SCUBE1: variants seen among roughly 807,000 people sequenced by gnomAD.
SCUBE1 encodes the protein signal peptide, CUB and EGF-like domain-containing protein 1.
SCUBE1 carries 59 observed loss-of-function variants against 124.4 expected under a neutral mutation model. The observed-to-expected ratio is 0.47, with a 90% CI of 0.38 to 0.59. The LOEUF (loss-of-function observed/expected upper bound fraction) is 0.59, where lower values mean the gene tolerates loss of function less well. SCUBE1 is among the 20% of genes least tolerant of loss of function. SCUBE1 has a pLI of 0.00. For synonymous variants in SCUBE1, 545 were observed against 550.9 expected, an observed-to-expected ratio of 0.99 and a Z score of 0.15; for missense variants, 1,150 against 1,371.2, an observed-to-expected ratio of 0.84 and a Z score of 2.55.
intron 15 of SCUBE1, among the ~76,000 whole-genome samples, chr22:43,217,188 G>A (rs910582979): frequency 1.5e-4 from 21 of 141,296 alleles, no homozygotes; most frequent in Non-Finnish European, 2.6e-4. Context: ...CTTCTCCTCC[G>A]GCTTCCCAGT....
chr22:43,217,163 C>G (rs1185522932), intron 15 of SCUBE1, among the ~76,000 whole-genome samples: 1 of 147,124 alleles, frequency 6.8e-6, no homozygotes, highest in African/African-American at 2.6e-5. Flanking sequence ...CCTCCTCCCC[C>G]GCCAGGTATC....
intron 19 of SCUBE1, 43 bp downstream of exon 19, chr22:43,210,000 A>C: frequency 6.5e-7 from 1 of 1,543,986 alleles, no homozygotes; most frequent in Non-Finnish European, 8.8e-7. Flanking sequence ...GGGGGTGCAC[A>C]CGCAGCTGAG....
intron 4 of SCUBE1, among the ~76,000 whole-genome samples, chr22:43,270,837 A>C (rs1924265186): frequency 6.6e-6 from 1 of 152,198 alleles, no homozygotes; most frequent in Non-Finnish European, 1.5e-5. Context: ...CAAAACAAGC[A>C]AAACAAGCAA....
chr22:43,218,094 G>C (rs1251297550), intron 15 of SCUBE1, among the ~76,000 whole-genome samples, 161 bp downstream of exon 15: 1 of 152,182 alleles, frequency 6.6e-6, no homozygotes, highest in African/African-American at 2.4e-5. Context: ...AAATGACAGT[G>C]ATGACCATGA....
rs574290925 is a variant in SCUBE1, at chr22:43,336,578, C to T, written c.220+2526G>A. ...GGGCATGGCCTGAGTTTGACAGCTT[C>T]GGTATGGTGGCCCTTACAGCAAGCT... On this transcript the variant is annotated intron_variant, in intron 2 of 21. Transcript: ENST00000360835. Among the ~76,000 whole-genome samples the T allele has an allele frequency of 5.9e-5, 9 of 152,280 alleles. No individual in the cohort carries two copies. In the East Asian group the frequency reaches 9.6e-4, roughly 16 times the overall value.
At chr22:43,228,739 C>T (rs529542631) in intron 9 of SCUBE1, among the ~76,000 whole-genome samples, 12 of 152,320 alleles carry the variant, frequency 7.9e-5, no homozygotes, top group Admixed American at 5.2e-4. Context: ...CTCCCTGGAA[C>T]GAGCTGTCTG....
Position 43,255,674 on chromosome 22 carries a change from A to G in SCUBE1, c.727+2545T>C. 9.6e-7 allele frequency: 1 copy of G among 1,041,202 alleles called. No homozygotes were observed. The highest frequency in any genetic ancestry group is 1.4e-6 in the Non-Finnish European group (1 of 691,402). 64.5% of individuals were successfully genotyped at this position (1,041,202 alleles called of 1,614,324 possible). On this transcript the variant is annotated intron_variant, in intron 6 of 21. Coordinates refer to ENST00000360835, the MANE Select transcript of SCUBE1 (RefSeq NM_173050.5). The surrounding 1 kb of genome is among the most constrained non-coding windows in gnomAD (Gnocchi z 4.7). ...TCAGCCTCTCGGCGTGGCGCACGCA[A>G]AGCCAACACAACACGCCGGCCAGCT...
At chr22:43,269,593 C>T (rs972623782) in intron 4 of SCUBE1, among the ~76,000 whole-genome samples, 1 of 152,134 alleles carries the variant, frequency 6.6e-6, no homozygotes, top group African/African-American at 2.4e-5. Context: ...CTGGGAACGG[C>T]AGAGCAGGGA....
chr22:43,307,690 C>T (rs1451742167), intron 3 of SCUBE1, among the ~76,000 whole-genome samples: 1 of 152,180 alleles, frequency 6.6e-6, no homozygotes, highest in Admixed American at 6.5e-5. Context: ...CTAACTGTGG[C>T]CAGTCTTGTC....
intron 6 of SCUBE1, among the ~76,000 whole-genome samples, chr22:43,239,609 G>A (rs759579380): frequency 3.3e-5 from 5 of 152,258 alleles, no homozygotes; most frequent in African/African-American, 1.2e-4. Flanking sequence ...GGGCATAACC[G>A]AGGTCATTGA....
At chr22:43,266,337 C>T (rs1924063997) in intron 4 of SCUBE1, among the ~76,000 whole-genome samples, 1 of 151,934 alleles carries the variant, frequency 6.6e-6, no homozygotes, top group South Asian at 2.1e-4. Flanking sequence ...TCAAAATGAC[C>T]CTACAACCAC....
chr22:43,277,618 T>G (rs1924585143), intron 4 of SCUBE1, among the ~76,000 whole-genome samples: 2 of 152,156 alleles, frequency 1.3e-5, no homozygotes. Context: ...TACGGACAAG[T>G]CTCTTTGCTT....
intron 1 of SCUBE1, among the ~76,000 whole-genome samples, chr22:43,342,836 C>G (rs1927371139): frequency 6.6e-6 from 1 of 150,494 alleles, no homozygotes. Flanking sequence ...CCAGGAGGAG[C>G]GCCCCTCTGC....
chr22:43,288,815 G>C (rs1472519098), intron 4 of SCUBE1, among the ~76,000 whole-genome samples: 2 of 152,218 alleles, frequency 1.3e-5, no homozygotes, highest in Non-Finnish European at 2.9e-5. Flanking sequence ...CAAAGGTGGA[G>C]TGAGCTTGTC....
chr22:43,316,033 G>A (rs73886594), intron 3 of SCUBE1, among the ~76,000 whole-genome samples: 1,530 of 152,256 alleles, frequency 0.01, 25 homozygotes, highest in African/African-American at 0.034. Flanking sequence ...TGGTCCCCAC[G>A]AGGTCTTGGA....
chr22:43,298,109 C>A (rs530105290), intron 3 of SCUBE1, among the ~76,000 whole-genome samples: 1 of 152,358 alleles, frequency 6.6e-6, no homozygotes, highest in South Asian at 2.1e-4. Flanking sequence ...TATCTAGCGG[C>A]TCTTGCAAAA....
chr22:43,305,280 A>G (rs1925925996), intron 3 of SCUBE1, among the ~76,000 whole-genome samples: 1 of 152,088 alleles, frequency 6.6e-6, no homozygotes, highest in African/African-American at 2.4e-5. Flanking sequence ...TGGGGGAATG[A>G]TTTTGTCTTT....
At chr22:43,222,611 G>C (rs763072322) in intron 12 of SCUBE1, 27 bp downstream of exon 12, 2 of 1,470,892 alleles carry the variant, frequency 1.4e-6, no homozygotes, top group Non-Finnish European at 1.8e-6. Flanking sequence ...CCAGTGGCAT[G>C]CAGCATGGAC....
rs1029517362 is a variant in SCUBE1 at position 43,203,747 on chromosome 22, G to A, written c.*250C>T. 1 of 488,416 alleles carries A rather than the reference G, an allele frequency of 2.0e-6. No individual in the cohort carries two copies. The highest frequency in any genetic ancestry group is 2.0e-5 in the African/African-American group (1 of 50,982). 30.3% of individuals were successfully genotyped at this position (488,416 alleles called of 1,614,324 possible). A position where few individuals can be genotyped will look rare whatever the true frequency, so the allele number is the denominator to read the frequency against. ...GCAGTCGGTCTGCCAGGGCTCAGGA[G>A]AGGGCGCTCTTGGTGTCCTGGGGAA... On this transcript the variant is annotated 3_prime_UTR_variant, in exon 22 of 22. Coordinates refer to ENST00000360835, the MANE Select transcript of SCUBE1 (RefSeq NM_173050.5).
Sources: allele counts gnomAD v4.1 joint callset (sites outside exome capture counted in the v4.1 genomes callset), GRCh38; gene constraint gnomAD v4.1.1; non-coding constraint Gnocchi (gnomAD v3.1); transcripts MANE v1.5; gene names NCBI Gene and HGNC (gene_info 2026-07-23, HGNC 2026-07-21).